CLSTN2: variants seen among roughly 807,000 people sequenced by gnomAD.
CLSTN2 encodes the protein calsyntenin-2.
In CLSTN2, 48 loss-of-function variants were observed where a neutral mutation model predicts 101.2. The ratio of observed to expected loss-of-function variants is 0.47; its 90% confidence interval spans 0.38 to 0.60. The LOEUF (loss-of-function observed/expected upper bound fraction) is 0.60. CLSTN2 is among the 20% of genes least tolerant of loss of function. The pLI, the probability that CLSTN2 is intolerant of heterozygous loss-of-function variation, is 0.00. For synonymous variants in CLSTN2, 481 were observed against 463.6 expected (o/e 1.04, Z -0.48); for missense variants, 1,160 against 1,238.2 (o/e 0.94, Z 0.95).
intron 2 of CLSTN2, among the ~76,000 whole-genome samples, chr3:140,324,013 G>A (rs2087308616): frequency 1.3e-5 from 2 of 152,160 alleles, no homozygotes; most frequent in African/African-American, 4.8e-5. Flanking sequence ...CTCTACCAAA[G>A]AAGAATAGAT....
intron 1 of CLSTN2, among the ~76,000 whole-genome samples, chr3:139,985,967 T>C (rs1169040574): frequency 6.6e-6 from 1 of 152,210 alleles, no homozygotes; most frequent in Non-Finnish European, 1.5e-5. Flanking sequence ...GGCTAGTGGC[T>C]GCTACACTCG....
intron 2 of CLSTN2, among the ~76,000 whole-genome samples, chr3:140,179,462 C>CAAT (rs1472416482): frequency 2.5e-4 from 38 of 150,170 alleles, no homozygotes; most frequent in African/African-American, 8.8e-4. Flanking sequence ...TACAAAATAA[C>CAAT]AATAATAATA....
At chr3:140,146,667 C>G (rs1356207387) in intron 1 of CLSTN2, among the ~76,000 whole-genome samples, 1 of 152,144 alleles carries the variant, frequency 6.6e-6, no homozygotes, top group Non-Finnish European at 1.5e-5. Flanking sequence ...AGATCTTAGT[C>G]CAAAAGAGTA....
intron 5 of CLSTN2, among the ~76,000 whole-genome samples, chr3:140,435,053 C>T (rs1453039600): frequency 6.6e-6 from 1 of 152,062 alleles, no homozygotes; most frequent in Non-Finnish European, 1.5e-5. Context: ...AGCATTTATC[C>T]TCTGAGTTTC....
intron 2 of CLSTN2, among the ~76,000 whole-genome samples, chr3:140,322,502 G>A (rs1339940716): frequency 6.6e-6 from 1 of 152,226 alleles, no homozygotes; most frequent in East Asian, 1.9e-4. Flanking sequence ...GTAGACAGAG[G>A]AGGAACCTCA....
intron 11 of CLSTN2, 31 bp downstream of exon 11, chr3:140,556,692 CT>C: frequency 6.2e-7 from 1 of 1,605,922 alleles, no homozygotes; most frequent in Non-Finnish European, 8.5e-7. Flanking sequence ...CTGGGGCCAA[CT>C]GAGGCAGCAG....
chr3:140,296,833 C>T (rs1439479663), intron 2 of CLSTN2, among the ~76,000 whole-genome samples: 2 of 152,148 alleles, frequency 1.3e-5, no homozygotes, highest in African/African-American at 4.8e-5. Flanking sequence ...GTTAGGTAGA[C>T]AGGAAAGGAA....
intron 1 of CLSTN2, among the ~76,000 whole-genome samples, chr3:140,084,657 G>A (rs1169357120): frequency 6.6e-6 from 1 of 152,092 alleles, no homozygotes; most frequent in Non-Finnish European, 1.5e-5. Context: ...ATACTTCATG[G>A]TGCAAGACAC....
At chr3:140,421,321 T>C (rs2088503965) in intron 5 of CLSTN2, 47 bp downstream of exon 5, 3 of 1,605,632 alleles carry the variant, frequency 1.9e-6, no homozygotes, top group Non-Finnish European at 2.6e-6. Flanking sequence ...TGGTCTGATG[T>C]ATAGAAGGTG....
At chr3:140,398,280 A>G (rs1348065118) in intron 2 of CLSTN2, among the ~76,000 whole-genome samples, 1 of 152,206 alleles carries the variant, frequency 6.6e-6, no homozygotes, top group Non-Finnish European at 1.5e-5. Flanking sequence ...AGAATATTAA[A>G]AAGACATGAA....
At chr3:140,114,288 T>C (rs2009203508) in intron 1 of CLSTN2, among the ~76,000 whole-genome samples, 1 of 152,236 alleles carries the variant, frequency 6.6e-6, no homozygotes, top group Non-Finnish European at 1.5e-5. Flanking sequence ...TTGCATATGT[T>C]GTTTCTTTGC....
At chr3:140,030,635 C>A (rs1463851670) in intron 1 of CLSTN2, among the ~76,000 whole-genome samples, 2 of 152,192 alleles carry the variant, frequency 1.3e-5, no homozygotes, top group Non-Finnish European at 2.9e-5. Context: ...GGAGAGGACA[C>A]AGGGCTACTC....
intron 1 of CLSTN2, among the ~76,000 whole-genome samples, chr3:140,084,094 A>G (rs1352738528): frequency 6.6e-6 from 1 of 152,192 alleles, no homozygotes; most frequent in Non-Finnish European, 1.5e-5. Flanking sequence ...GATGCTGCAT[A>G]TAACCCTAGA....
At chr3:140,549,921 A>G (rs1461523471) in intron 10 of CLSTN2, among the ~76,000 whole-genome samples, 1 of 150,812 alleles carries the variant, frequency 6.6e-6, no homozygotes, top group East Asian at 2.0e-4. Flanking sequence ...ATATTTCTCC[A>G]GCATGTCTGG....
At chr3:140,491,009 T>A (rs1205897684) in intron 8 of CLSTN2, among the ~76,000 whole-genome samples, 1 of 152,210 alleles carries the variant, frequency 6.6e-6, no homozygotes, top group Non-Finnish European at 1.5e-5. Context: ...TAAGAAGATT[T>A]TAGCACGGTG....
chr3:140,275,897 A>G (rs923719785), intron 2 of CLSTN2, among the ~76,000 whole-genome samples: 16 of 152,142 alleles, frequency 1.1e-4, no homozygotes, highest in African/African-American at 3.6e-4. Context: ...TTACAGGGTT[A>G]TGCTTGATCT....
At chr3:140,162,404 G>A (rs1467038531) in intron 1 of CLSTN2, among the ~76,000 whole-genome samples, 1 of 152,158 alleles carries the variant, frequency 6.6e-6, no homozygotes, top group African/African-American at 2.4e-5. Flanking sequence ...AGGACAAGGA[G>A]AGGGACTTAA....
At chr3:140,499,115 A>G (rs1238731493) in intron 8 of CLSTN2, among the ~76,000 whole-genome samples, 1 of 152,206 alleles carries the variant, frequency 6.6e-6, no homozygotes, top group Non-Finnish European at 1.5e-5. Context: ...TGGCTCAGTA[A>G]TATAATCTGA....
At chr3:140,385,357 CTTTTTTTTTTTTTTTTTT>C (rs546696189) in intron 2 of CLSTN2, among the ~76,000 whole-genome samples, 2 of 72,838 alleles carry the variant, frequency 2.7e-5, no homozygotes, top group African/African-American at 1.3e-4. Flanking sequence ...CCCTGATGTT[CTTTTTTTTTTTTTTTTTT>C]TTTTTTTTTA....
Sources: allele counts gnomAD v4.1 joint callset (sites outside exome capture counted in the v4.1 genomes callset), GRCh38; gene constraint gnomAD v4.1.1; transcripts MANE v1.5; gene names NCBI Gene and HGNC (gene_info 2026-07-23, HGNC 2026-07-21).